The following KHSRP variants were observed in gnomAD, a reference collection of about 807,000 sequenced individuals.
KHSRP encodes the protein far upstream element-binding protein 2.
KHSRP carries 13 observed loss-of-function variants against 94.9 expected under a neutral mutation model. That is an observed-to-expected ratio of 0.14 (90% CI 0.09 to 0.22). The LOEUF (loss-of-function observed/expected upper bound fraction) is 0.22. KHSRP is among the 10% of genes least tolerant of loss of function. The pLI, the probability that KHSRP is intolerant of heterozygous loss-of-function variation, is 1.00. For missense variants in KHSRP, 710 were observed against 1,010.0 expected (o/e 0.70, Z 4.03); for synonymous variants, 495 against 401.4 (o/e 1.23, Z -2.79).
chr19:6,419,027 G>A (rs935759988), intron 7 of KHSRP, among the ~76,000 whole-genome samples, 151 bp from the exon 8 acceptor site: 21 of 152,378 alleles, frequency 1.4e-4, no homozygotes, highest in African/African-American at 5.0e-4. Flanking sequence ...TCAGGCTCCA[G>A]GTTCCCCAGG....
In KHSRP at chr19:6,415,298, T is replaced by G; in HGVS notation, c.1970A>C (p.Gln657Pro). The G allele has an allele frequency of 6.2e-7, 1 of 1,613,316 alleles. No individual in the cohort carries two copies. Among genetic ancestry groups the G allele is most frequent in the South Asian group, 1.1e-5 (1 of 91,088 alleles). Residue 657 changes from glutamine (Q) to proline (P), a missense_variant, in exon 19 of 19, where the codon CAA becomes CCA. Gln to Pro is a moderately conservative substitution (Grantham distance 76, BLOSUM62 -1). This residue lies in a region of KHSRP where 292 missense variants were observed against 340.5 expected (regional missense o/e 0.86). Coordinates refer to ENST00000600480, the MANE Select transcript of KHSRP (RefSeq NM_001366299.1). ...AWEEYYKKQA[Q>P]VATGGGPGAP... ...TCCTGGACCCCCTCCGGTGGCCACTTGCGCTGTGGGTGGACAAAGGCAGGT... is the reference window on the plus strand; with the variant it reads ...TCCTGGACCCCCTCCGGTGGCCACTGGCGCTGTGGGTGGACAAAGGCAGGT...
chr19:6,415,082 A>G lies in KHSRP; in HGVS notation c.2186T>C (p.Val729Ala). ...PPFSFQPPATVHPALVGSAGN... is the reference protein window; with the variant it reads ...PPFSFQPPATAHPALVGSAGN... ...GGCGCTACCCACTAAGGCAGGATGG[A>G]CGGTGGCCGGGGGTTGGAAGGAGAA... The change falls in exon 19 of 19, where the codon GTC (valine) becomes GCC (alanine). Residue 729 changes from valine to alanine, a missense_variant. Val to Ala is a moderately conservative substitution (Grantham distance 64). Transcript: ENST00000600480. 1.9e-6 allele frequency: 3 copies of G among 1,590,276 alleles called. No individual in the cohort carries two copies. Among genetic ancestry groups the G allele is most frequent in the Non-Finnish European group, 2.6e-6 (3 of 1,175,814 alleles).
chr19:6,419,170 CA>C, intron 7 of KHSRP, 32 bp downstream of exon 7: 1 of 1,557,556 alleles, frequency 6.4e-7, no homozygotes, highest in South Asian at 1.2e-5. Context: ...GCCTGCCCCC[CA>C]CATCACAATG....
In KHSRP at chr19:6,424,764, G is replaced by A. The variant is rs1332131951; in HGVS notation, c.-63C>T. 1.2e-5 allele frequency: 9 copies of A among 722,380 alleles called. No homozygotes were observed. The highest frequency in any genetic ancestry group is 9.0e-5 in the East Asian group (1 of 11,160). The allele number at this position is 722,380 out of a possible 1,614,324, so 44.7% of individuals were successfully genotyped here. A position where few individuals can be genotyped will look rare whatever the true frequency, so the allele number is the denominator to read the frequency against. ...TGAGGAGGCGGCGGCGGCGGCGGCG[G>A]CTCAACGCGGGAACAAGGCCTCGCT... On this transcript the variant is annotated 5_prime_UTR_variant, in exon 1 of 19. Transcript: ENST00000600480.
Position 6,416,976 on chromosome 19 carries a change from G to C in KHSRP, c.1182+11C>G, listed in dbSNP as rs1395306373. 1 of 1,613,686 alleles carries C rather than the reference G, an allele frequency of 6.2e-7. No homozygotes were observed. The highest frequency in any genetic ancestry group is 8.5e-7 in the Non-Finnish European group (1 of 1,179,838). On this transcript the variant is annotated intron_variant, in intron 12 of 18. Coordinates refer to ENST00000600480, the MANE Select transcript of KHSRP (RefSeq NM_001366299.1). ...GCCCTGCCAGCCCCTTCAGCACCCG[G>C]GGCCACCTACCCTGAGGCTCTGGAG...
chr19:6,422,207 A>G, intron 2 of KHSRP, 133 bp downstream of exon 2: 1 of 614,592 alleles, frequency 1.6e-6, no homozygotes, highest in Non-Finnish European at 2.9e-6. Context: ...AGAATTAACA[A>G]GGCCGGGATT....
chr19:6,418,699 C>T lies in KHSRP; in HGVS notation c.780+3G>A. ...GAGGAAGCTGCCCAGGTGCTGCCCT[C>T]ACCTGCAGCTGCTTAATGGTCTCCC... is the stretch of plus-strand genomic sequence containing the variant. On this transcript the variant is annotated splice_donor_region_variant and intron_variant, in intron 8 of 18. Transcript: ENST00000600480. This position sits in a 1 kb window ranked among gnomAD's most constrained non-coding sequence, Gnocchi z 4.3. 1 of 1,613,878 alleles carries T rather than the reference C, an allele frequency of 6.2e-7. No homozygotes were observed. Among genetic ancestry groups the T allele is most frequent in the Non-Finnish European group, 8.5e-7 (1 of 1,179,862 alleles).
rs1179056468 is a variant in KHSRP at position 6,413,885 on chromosome 19, G to A, written c.*1139C>T. Reference sequence around the variant, plus strand: ...CTATCTTCTCTGGCTGGCTCAACATGGAAGGATCCCAATTTTGAAAGAAAA... The same window carrying A: ...CTATCTTCTCTGGCTGGCTCAACATAGAAGGATCCCAATTTTGAAAGAAAA... On this transcript the variant is annotated 3_prime_UTR_variant, in exon 19 of 19. Coordinates refer to ENST00000600480, the MANE Select transcript of KHSRP (RefSeq NM_001366299.1). The A allele has an allele frequency of 1.3e-5, 5 of 383,578 alleles. No individual in the cohort carries two copies. In the South Asian group the frequency reaches 4.0e-4, roughly 31 times the overall value. The allele number at this position is 383,578 out of a possible 1,614,324, so 23.8% of individuals were successfully genotyped here.
chr19:6,414,368 C>CGGAGGGCGGAGGCGCTAGG lies in KHSRP; in HGVS notation c.*637_*655dup, dbSNP rs1440870901. The CGGAGGGCGGAGGCGCTAGG allele has an allele frequency of 1.2e-4, 162 of 1,346,438 alleles. No individual in the cohort carries two copies. In the African/African-American group the frequency reaches 1.9e-3, roughly 16 times the overall value. 83.4% of individuals were successfully genotyped at this position (1,346,438 alleles called of 1,614,324 possible). A position where few individuals can be genotyped will look rare whatever the true frequency, so the allele number is the denominator to read the frequency against. ...GAGCAGGAAGAGAGGAGAGGGGCCG[C>CGGAGGGCGGAGGCGCTAGG]GGAGGGCGGAGGCGCTAGGGTCGTA... On this transcript the variant is annotated 3_prime_UTR_variant, in exon 19 of 19. Coordinates refer to ENST00000600480, the MANE Select transcript of KHSRP (RefSeq NM_001366299.1).
chr19:6,421,847 GC>G, intron 2 of KHSRP, 159 bp from the exon 3 acceptor site: 1 of 748,050 alleles, frequency 1.3e-6, no homozygotes, highest in Non-Finnish European at 2.2e-6. Flanking sequence ...CCTGAGGGAG[GC>G]CAGACCCCGC....
At chr19:6,424,161 G>C (rs1034308816) in intron 1 of KHSRP, 1 of 152,154 alleles carries the variant, frequency 6.6e-6, no homozygotes, top group East Asian at 2.0e-4. Context: ...CTAAGGCCGG[G>C]GGGCTAAGGG....
In KHSRP at chr19:6,414,032, A is replaced by G. The variant is rs2092121254; in HGVS notation, c.*992T>C. Reference sequence around the variant, plus strand: ...ACGGCAGCCATCGCTCTCTCGCCAAACAAAACAGAAGCCCCCAAACAGAAC... The same window carrying G: ...ACGGCAGCCATCGCTCTCTCGCCAAGCAAAACAGAAGCCCCCAAACAGAAC... On this transcript the variant is annotated 3_prime_UTR_variant, in exon 19 of 19. Transcript: ENST00000600480. 1 of 1,537,098 alleles carries G rather than the reference A, an allele frequency of 6.5e-7. No homozygotes were observed. The highest frequency in any genetic ancestry group is 2.1e-5 in the Admixed American group (1 of 47,136).
chr19:6,418,912 A>AC lies in KHSRP; in HGVS notation c.606-37dup, dbSNP rs746198885. 4.6e-6 allele frequency: 7 copies of AC among 1,509,218 alleles called. No individual in the cohort carries two copies. The highest frequency in any genetic ancestry group is 6.2e-6 in the Non-Finnish European group (7 of 1,135,096). 93.5% of individuals were successfully genotyped at this position (1,509,218 alleles called of 1,614,324 possible). A position where few individuals can be genotyped will look rare whatever the true frequency, so the allele number is the denominator to read the frequency against. On this transcript the variant is annotated intron_variant, in intron 7 of 18. Coordinates refer to ENST00000600480, the MANE Select transcript of KHSRP (RefSeq NM_001366299.1). The surrounding 1 kb of genome is among the most constrained non-coding windows in gnomAD (Gnocchi z 4.3). Reference sequence around the variant, plus strand: ...GAGGAGCGGGGGATGAGCGGGTGCCACCGCTGGAGAAAGGTACTGGTCTGG... The same window carrying AC: ...GAGGAGCGGGGGATGAGCGGGTGCCACCCGCTGGAGAAAGGTACTGGTCTGG...
In KHSRP at chr19:6,424,569, G is replaced by A; in HGVS notation, c.133C>T (p.Pro45Ser). The A allele has an allele frequency of 3.1e-6, 3 of 963,306 alleles. No individual in the cohort carries two copies. The highest frequency in any genetic ancestry group is 3.7e-6 in the Non-Finnish European group (3 of 814,024). 59.7% of individuals were successfully genotyped at this position (963,306 alleles called of 1,614,324 possible). Residue 45 changes from proline (P) to serine (S), a missense_variant, in exon 1 of 19, where the codon CCC (proline) becomes TCC (serine). Pro to Ser is a moderately conservative substitution (Grantham distance 74). This residue lies in a region of KHSRP where 92 missense variants were observed against 80.8 expected (regional missense o/e 1.14). Coordinates refer to ENST00000600480, the MANE Select transcript of KHSRP (RefSeq NM_001366299.1). ...CCCCCGCCCGGGCCGCCGCCGCCGG[G>A]ACCGCCGCCGCCCCGGTCCCCCGCG... ...PGAGDRGGGG[P>S]GGGGPGGGSA... is the part of the protein sequence containing the mutation.
chr19:6,420,741 T>TA (rs1254331641), intron 4 of KHSRP, among the ~76,000 whole-genome samples: 2 of 152,254 alleles, frequency 1.3e-5, no homozygotes, highest in Admixed American at 1.3e-4. Flanking sequence ...CTCTCAGTTC[T>TA]AAAAAGCTGG....
intron 1 of KHSRP, among the ~76,000 whole-genome samples, chr19:6,423,091 T>G (rs965599058): frequency 6.6e-6 from 1 of 152,126 alleles, no homozygotes; most frequent in African/African-American, 2.4e-5. Flanking sequence ...ACAGACTGGC[T>G]GACATGGTCA....
Position 6,418,828 on chromosome 19 carries a change from GC to G in KHSRP, c.653del (p.Gly218AlafsTer22). 6.4e-7 allele frequency: 1 copy of G among 1,564,394 alleles called. No homozygotes were observed. ...LDDIVSRGRG[G>X]PPGQFHDNAN... ...CGTTGTCGTGGAACTGTCCTGGGGG[GC>G]CCCCACGACCCCGAGACACAATGTC... On this transcript the variant is annotated frameshift_variant, in exon 8 of 19. Transcript: ENST00000600480. LOFTEE classifies it high-confidence loss of function. The surrounding 1 kb of genome is among the most constrained non-coding windows in gnomAD (Gnocchi z 4.3).
In KHSRP at chr19:6,415,584, G is replaced by T; in HGVS notation, c.1838C>A (p.Thr613Asn). The change falls in exon 17 of 19, where the codon ACC becomes AAC. Residue 613 changes from threonine (T) to asparagine (N), a missense_variant. Thr to Asn is a moderately conservative substitution (Grantham distance 65). This residue lies in a region of KHSRP where 292 missense variants were observed against 340.5 expected (regional missense o/e 0.86). Coordinates refer to ENST00000600480, the MANE Select transcript of KHSRP (RefSeq NM_001366299.1). Reference sequence around the variant, plus strand: ...GGCCTTAGTGTAGTCCGACTGGCCGGTGGGTGGGGGCTGAGGGGGCTCACC... The same window carrying T: ...GGCCTTAGTGTAGTCCGACTGGCCGTTGGGTGGGGGCTGAGGGGGCTCACC... ...AQGEPPQPPP[T>N]GQSDYTKAWE... The T allele has an allele frequency of 6.6e-7, 1 of 1,517,704 alleles. No individual in the cohort carries two copies. The allele number at this position is 1,517,704 out of a possible 1,614,324, so 94.0% of individuals were successfully genotyped here.
chr19:6,420,037 G>C, intron 6 of KHSRP, 36 bp downstream of exon 6: 1 of 1,515,436 alleles, frequency 6.6e-7, no homozygotes, highest in South Asian at 1.1e-5. Flanking sequence ...GCCCAACCCT[G>C]GCCCCCACTC....
Sources: allele counts gnomAD v4.1 joint callset (sites outside exome capture counted in the v4.1 genomes callset), GRCh38; gene constraint gnomAD v4.1.1; regional missense constraint gnomAD v4.1.1; non-coding constraint Gnocchi (gnomAD v3.1); transcripts MANE v1.5; gene names NCBI Gene and HGNC (gene_info 2026-07-23, HGNC 2026-07-21).